The following STK32B variants were observed in gnomAD, a reference collection of about 807,000 sequenced individuals.
STK32B encodes the protein serine/threonine-protein kinase 32B.
STK32B carries 43 observed loss-of-function variants against 52.6 expected under a neutral mutation model. The observed-to-expected ratio is 0.82, with a 90% CI of 0.64 to 1.05. The LOEUF is 1.05. STK32B is among the 50% of genes least tolerant of loss of function. The pLI, the probability that STK32B is intolerant of heterozygous loss-of-function variation, is 0.00. For missense variants in STK32B, 621 were observed against 534.6 expected (o/e 1.16, Z -1.59); for synonymous variants, 238 against 204.3 (o/e 1.17, Z -1.41).
chr4:5,365,821 C>T (rs934050374), intron 4 of STK32B, among the ~76,000 whole-genome samples: 3 of 152,106 alleles, frequency 2.0e-5, no homozygotes, highest in Non-Finnish European at 4.4e-5. Context: ...GTTACAAACG[C>T]GAGCGTGCAT....
intron 6 of STK32B, among the ~76,000 whole-genome samples, chr4:5,418,238 AATG>A (rs1712321439): frequency 1.3e-5 from 2 of 152,166 alleles, no homozygotes; most frequent in South Asian, 4.1e-4. Context: ...TTTTTATTGC[AATG>A]ATGTTATTCT....
chr4:5,249,633 TA>T (rs947345911), intron 3 of STK32B, among the ~76,000 whole-genome samples: 269 of 152,276 alleles, frequency 1.8e-3, no homozygotes, highest in African/African-American at 6.1e-3. Context: ...TTAACATTTT[TA>T]AAAATAATTT....
At chr4:5,217,245 G>C (rs1163505984) in intron 3 of STK32B, among the ~76,000 whole-genome samples, 1 of 152,156 alleles carries the variant, frequency 6.6e-6, no homozygotes, top group Admixed American at 6.5e-5. Context: ...TTAGAGGCAG[G>C]ATTATGATTG....
intron 4 of STK32B, among the ~76,000 whole-genome samples, chr4:5,351,664 CAAA>C (rs1277383756): frequency 6.6e-6 from 1 of 151,626 alleles, no homozygotes; most frequent in Non-Finnish European, 1.5e-5. Context: ...AAATGATCAA[CAAA>C]AAAGAAAGTT....
chr4:5,344,439 A>G (rs1322454901), intron 4 of STK32B, among the ~76,000 whole-genome samples: 5 of 152,162 alleles, frequency 3.3e-5, no homozygotes, highest in African/African-American at 9.7e-5. Flanking sequence ...TTTGCATCCC[A>G]TGTAAATTAA....
At chr4:5,154,892 G>T (rs16836728) in intron 2 of STK32B, among the ~76,000 whole-genome samples, 7,464 of 152,236 alleles carry the variant, frequency 0.049, 428 homozygotes, top group African/African-American at 0.14. Context: ...AGGGATGTGC[G>T]CAAATCATGA....
At chr4:5,079,931 A>ATGT (rs376876982) in intron 1 of STK32B, among the ~76,000 whole-genome samples, 73 of 152,310 alleles carry the variant, frequency 4.8e-4, no homozygotes, top group Non-Finnish European at 9.4e-4. Context: ...ACAAAAGCAG[A>ATGT]CAGTAGGATG....
At chr4:5,212,731 A>G (rs1394854991) in intron 3 of STK32B, among the ~76,000 whole-genome samples, 1 of 152,214 alleles carries the variant, frequency 6.6e-6, no homozygotes. Context: ...ATGACATTTT[A>G]TGTGCATTCA....
At chr4:5,314,427 T>A (rs1428359991) in intron 3 of STK32B, among the ~76,000 whole-genome samples, 1 of 152,190 alleles carries the variant, frequency 6.6e-6, no homozygotes, top group East Asian at 1.9e-4. Flanking sequence ...CCCAGCACTT[T>A]GGGAGGCTGA....
At chr4:5,413,466 G>A (rs1350942273) in intron 5 of STK32B, among the ~76,000 whole-genome samples, 2 of 152,142 alleles carry the variant, frequency 1.3e-5, no homozygotes, top group Non-Finnish European at 2.9e-5. Flanking sequence ...CCTTGTGGTC[G>A]CAAATAGCTT....
chr4:5,196,192 G>A (rs898191108), intron 3 of STK32B, among the ~76,000 whole-genome samples: 13 of 152,128 alleles, frequency 8.5e-5, no homozygotes, highest in East Asian at 5.8e-4. Context: ...ACCTGGGATC[G>A]TCTCATGGGT....
intron 3 of STK32B, among the ~76,000 whole-genome samples, chr4:5,222,698 C>T (rs146414465): frequency 2.0e-5 from 3 of 152,168 alleles, no homozygotes; most frequent in Non-Finnish European, 2.9e-5. Flanking sequence ...CTGATAACTT[C>T]TCTTAATTGA....
At chr4:5,101,886 A>G (rs1006106481) in intron 1 of STK32B, among the ~76,000 whole-genome samples, 2 of 152,332 alleles carry the variant, frequency 1.3e-5, no homozygotes, top group East Asian at 1.9e-4. Context: ...CAGGCCTTCA[A>G]GTAAGACAGG....
At chr4:5,229,384 G>A (rs997179551) in intron 3 of STK32B, among the ~76,000 whole-genome samples, 1 of 152,006 alleles carries the variant, frequency 6.6e-6, no homozygotes, top group Non-Finnish European at 1.5e-5. Flanking sequence ...AAACTGCATT[G>A]GTACCTCTTA....
chr4:5,454,851 G>T (rs1231925344), intron 7 of STK32B, among the ~76,000 whole-genome samples: 1 of 152,096 alleles, frequency 6.6e-6, no homozygotes, highest in African/African-American at 2.4e-5. Context: ...AGTGCGAAGG[G>T]ATCTCACACA....
At chr4:5,196,245 G>A (rs182043982) in intron 3 of STK32B, among the ~76,000 whole-genome samples, 2 of 151,772 alleles carry the variant, frequency 1.3e-5, no homozygotes, top group Admixed American at 1.3e-4. Context: ...GACACTGAAT[G>A]CTGAGGGCCT....
At chr4:5,492,923 A>G (rs1719872243) in intron 11 of STK32B, among the ~76,000 whole-genome samples, 1 of 150,972 alleles carries the variant, frequency 6.6e-6, no homozygotes, top group African/African-American at 2.5e-5. Context: ...CCAGGGATGA[A>G]GCCCACTTGA....
intron 3 of STK32B, among the ~76,000 whole-genome samples, chr4:5,318,056 G>A (rs1308385292): frequency 6.6e-6 from 1 of 152,144 alleles, no homozygotes; most frequent in Non-Finnish European, 1.5e-5. Flanking sequence ...ACCACTGGTA[G>A]AGAAAGTCTT....
chr4:5,331,466 G>C, intron 4 of STK32B, 73 bp downstream of exon 4: 2 of 1,490,720 alleles, frequency 1.3e-6, no homozygotes, highest in Non-Finnish European at 1.8e-6. Context: ...GTCTGCAGTA[G>C]TGGGGAGAGA....
Sources: allele counts gnomAD v4.1 joint callset (sites outside exome capture counted in the v4.1 genomes callset), GRCh38; gene constraint gnomAD v4.1.1; transcripts MANE v1.5; gene names NCBI Gene and HGNC (gene_info 2026-07-23, HGNC 2026-07-21).